The following FSTL4 variants were observed in gnomAD, a reference collection of about 807,000 sequenced individuals.
FSTL4 encodes the protein follistatin-related protein 4.
A neutral mutation model predicts 78.2 loss-of-function variants in FSTL4; 28 were observed. That is an observed-to-expected ratio of 0.36 (90% confidence interval 0.27 to 0.49). The LOEUF is 0.49. Ranked by LOEUF, FSTL4 falls within the 20% of genes least tolerant of loss-of-function variation. The pLI, the probability that FSTL4 is intolerant of heterozygous loss-of-function variation, is 0.98. For synonymous variants in FSTL4, 422 were observed against 440.5 expected (o/e 0.96, Z 0.53); for missense variants, 922 against 1,084.9 (o/e 0.85, Z 2.11).
intron 3 of FSTL4, among the ~76,000 whole-genome samples, chr5:133,417,539 C>G (rs1219866027): frequency 6.6e-6 from 1 of 151,974 alleles, no homozygotes; most frequent in Non-Finnish European, 1.5e-5. Context: ...AATCCTCAAG[C>G]AAAATAAATA....
intron 4 of FSTL4, among the ~76,000 whole-genome samples, chr5:133,322,282 CA>C (rs1379721050): frequency 2.2e-5 from 1 of 45,608 alleles, no homozygotes; most frequent in African/African-American, 5.9e-5. Context: ...CACACCCACA[CA>C]CACACACACC....
In FSTL4 at chr5:133,199,324, G is replaced by A; in HGVS notation, c.2300C>T (p.Ser767Phe). Residue 767 changes from serine (S) to phenylalanine (F), a missense_variant, in exon 16 of 16, where the codon TCC becomes TTC. Ser to Phe is a radical substitution (Grantham distance 155, BLOSUM62 -2). Coordinates refer to ENST00000265342, the MANE Select transcript of FSTL4 (RefSeq NM_015082.2). The surrounding 1 kb of genome is among the most constrained non-coding windows in gnomAD (Gnocchi z 4.4). Reference protein sequence around the residue: ...TEPDLLFLELSTGKVGMLKNL... With the variant: ...TEPDLLFLELFTGKVGMLKNL... ...CTTCAGCATGCCCACCTTCCCCGTGGACAGCTCCAGGAACAGCAGGTCCGG... is the reference window on the plus strand; with the variant it reads ...CTTCAGCATGCCCACCTTCCCCGTGAACAGCTCCAGGAACAGCAGGTCCGG... 1 of 1,614,130 alleles carries A rather than the reference G, an allele frequency of 6.2e-7. No homozygotes were observed. Among genetic ancestry groups the A allele is most frequent in the Non-Finnish European group, 8.5e-7 (1 of 1,179,980 alleles).
At chr5:133,762,300 G>A in the FSTL4 span, among the ~76,000 whole-genome samples, 3 of 152,066 alleles carry the variant, frequency 2.0e-5, no homozygotes, top group East Asian at 1.9e-4. Context: ...AGGGACCTAC[G>A]GTGACTGGAC....
intron 13 of FSTL4, among the ~76,000 whole-genome samples, chr5:133,211,702 C>T (rs1419023103): frequency 6.6e-6 from 1 of 152,166 alleles, no homozygotes; most frequent in African/African-American, 2.4e-5. Flanking sequence ...CCCTTACATA[C>T]CCTTCCTTAC....
At chr5:133,308,606 G>C (rs1270901988) in intron 6 of FSTL4, among the ~76,000 whole-genome samples, 1 of 152,216 alleles carries the variant, frequency 6.6e-6, no homozygotes, top group African/African-American at 2.4e-5. Flanking sequence ...AGTTCCAAAG[G>C]ATAGTGGTGT....
chr5:133,606,860 T>C (rs985935702), intron 1 of FSTL4, among the ~76,000 whole-genome samples: 7 of 152,192 alleles, frequency 4.6e-5, no homozygotes, highest in Non-Finnish European at 1.0e-4. Flanking sequence ...TACTAATGGG[T>C]AGCATTAAAA....
chr5:133,331,859 C>A (rs778458246), intron 4 of FSTL4, among the ~76,000 whole-genome samples: 6 of 152,150 alleles, frequency 3.9e-5, no homozygotes, highest in Non-Finnish European at 8.8e-5. Context: ...TCTCCTTCCC[C>A]GTCACCTGCA....
chr5:133,684,375 G>T, the FSTL4 span, among the ~76,000 whole-genome samples: 1 of 152,134 alleles, frequency 6.6e-6, no homozygotes, highest in Admixed American at 6.6e-5. Context: ...TCCACTTATT[G>T]GTTGCATGCC....
At chr5:133,224,303 T>C (rs1192842205) in intron 10 of FSTL4, 87 bp from the exon 11 acceptor site, 1 of 968,876 alleles carries the variant, frequency 1.0e-6, no homozygotes, top group Non-Finnish European at 1.6e-6. Flanking sequence ...CTGCAGTGAT[T>C]CCATTTATGA....
At chr5:133,739,682 C>T in the FSTL4 span, among the ~76,000 whole-genome samples, 8 of 152,222 alleles carry the variant, frequency 5.3e-5, no homozygotes, top group East Asian at 3.8e-4. Flanking sequence ...GCACCAACCA[C>T]GTCCCAGGCA....
intron 4 of FSTL4, among the ~76,000 whole-genome samples, chr5:133,382,337 G>A (rs2126953937): frequency 6.6e-6 from 1 of 152,300 alleles, no homozygotes; most frequent in East Asian, 1.9e-4. Flanking sequence ...CCGAGGTTTT[G>A]CAGTTGTTTG....
intron 7 of FSTL4, among the ~76,000 whole-genome samples, chr5:133,234,598 C>T (rs1751599878): frequency 6.6e-6 from 1 of 152,228 alleles, no homozygotes; most frequent in Admixed American, 6.5e-5. Context: ...GGCTACCAAA[C>T]ATTTCCCAGG....
the FSTL4 span, among the ~76,000 whole-genome samples, chr5:133,660,256 G>A: frequency 1.3e-5 from 2 of 152,092 alleles, no homozygotes; most frequent in African/African-American, 4.8e-5. Context: ...TTCCCTCCTA[G>A]AGCTCACAGT....
the FSTL4 span, among the ~76,000 whole-genome samples, chr5:133,798,301 A>G: frequency 5.9e-5 from 9 of 152,210 alleles, no homozygotes; most frequent in Admixed American, 1.3e-4. Context: ...AATCCTTGAA[A>G]TTCAGCTACT....
At chr5:133,444,580 G>T (rs2127005426) in intron 3 of FSTL4, among the ~76,000 whole-genome samples, 1 of 152,316 alleles carries the variant, frequency 6.6e-6, no homozygotes, top group Non-Finnish European at 1.5e-5. Context: ...GCTCTATCCA[G>T]GCCCTGGCCA....
chr5:133,545,759 A>G (rs772376604), intron 3 of FSTL4, among the ~76,000 whole-genome samples: 3 of 152,224 alleles, frequency 2.0e-5, no homozygotes, highest in Non-Finnish European at 2.9e-5. Context: ...GAAAAAGCCT[A>G]TATTGCCATG....
chr5:133,783,417 C>G, the FSTL4 span, among the ~76,000 whole-genome samples: 1 of 152,202 alleles, frequency 6.6e-6, no homozygotes, highest in Non-Finnish European at 1.5e-5. Flanking sequence ...ACCTTTCCCT[C>G]TCAAAGGCAT....
chr5:133,784,330 A>G, the FSTL4 span, among the ~76,000 whole-genome samples: 1 of 152,176 alleles, frequency 6.6e-6, no homozygotes, highest in Non-Finnish European at 1.5e-5. Context: ...TTATGGGTGC[A>G]TAAACTGAGG....
At chr5:133,322,161 C>G (rs181996494) in intron 4 of FSTL4, among the ~76,000 whole-genome samples, 1 of 151,804 alleles carries the variant, frequency 6.6e-6, no homozygotes, top group African/African-American at 2.4e-5. Context: ...TGCCCCACCC[C>G]CTTCCTGTCT....
Sources: allele counts gnomAD v4.1 joint callset (sites outside exome capture counted in the v4.1 genomes callset), GRCh38; gene constraint gnomAD v4.1.1; non-coding constraint Gnocchi (gnomAD v3.1); transcripts MANE v1.5; gene names NCBI Gene and HGNC (gene_info 2026-07-23, HGNC 2026-07-21).